RORA: variants seen among roughly 807,000 people sequenced by gnomAD.
The protein encoded by RORA is nuclear receptor ROR-alpha.
RORA carries 7 observed loss-of-function variants against 69.5 expected under a neutral mutation model. The observed-to-expected ratio is 0.10, with a 90% CI of 0.06 to 0.19. The LOEUF is 0.19. RORA is among the 10% of genes least tolerant of loss of function. The pLI is 1.00. For synonymous variants in RORA, 261 were observed against 240.8 expected (o/e 1.08, Z -0.78); for missense variants, 457 against 663.0 (o/e 0.69, Z 3.41).
At chr15:61,075,579 T>A (rs541716907) in intron 1 of RORA, among the ~76,000 whole-genome samples, 10 of 152,260 alleles carry the variant, frequency 6.6e-5, no homozygotes, top group South Asian at 2.1e-4. Flanking sequence ...CCAACCCCTA[T>A]CTCAACTGAG....
At chr15:60,784,775 G>A (rs2072312819) in intron 1 of RORA, among the ~76,000 whole-genome samples, 1 of 152,144 alleles carries the variant, frequency 6.6e-6, no homozygotes, top group African/African-American at 2.4e-5. Flanking sequence ...CTTTAAAGTA[G>A]AAAACCAACC....
At chr15:60,955,063 G>A (rs1298187845) in intron 1 of RORA, among the ~76,000 whole-genome samples, 1 of 152,190 alleles carries the variant, frequency 6.6e-6, no homozygotes, top group Non-Finnish European at 1.5e-5. Flanking sequence ...CAGCACTTTG[G>A]GAGGCCGAGG....
chr15:60,513,124 G>A (rs183206053), intron 4 of RORA, among the ~76,000 whole-genome samples: 229 of 152,318 alleles, frequency 1.5e-3, no homozygotes, highest in Non-Finnish European at 2.8e-3. Flanking sequence ...CAAAGAGGAC[G>A]CGCTGTCCTT....
chr15:61,152,171 A>T (rs1048502712), intron 1 of RORA, among the ~76,000 whole-genome samples: 2 of 152,210 alleles, frequency 1.3e-5, no homozygotes, highest in African/African-American at 4.8e-5. Flanking sequence ...AGCAAATGTT[A>T]TAAACACATA....
intron 1 of RORA, among the ~76,000 whole-genome samples, chr15:60,872,262 G>T (rs1478704932): frequency 1.3e-5 from 2 of 152,138 alleles, no homozygotes; most frequent in African/African-American, 4.8e-5. Context: ...TCTCACAGGG[G>T]TATTAGGAAG....
intron 1 of RORA, among the ~76,000 whole-genome samples, chr15:60,761,633 C>A (rs2071893820): frequency 6.6e-6 from 1 of 152,066 alleles, no homozygotes; most frequent in Non-Finnish European, 1.5e-5. Context: ...CTATGGTGTG[C>A]CTGAGTAAGT....
chr15:60,809,677 G>T (rs563569532), intron 1 of RORA, among the ~76,000 whole-genome samples: 2 of 151,688 alleles, frequency 1.3e-5, no homozygotes, highest in Non-Finnish European at 2.9e-5. Flanking sequence ...ATTTATCACA[G>T]TTTTGGTTGG....
chr15:60,915,493 T>C (rs1891845592), intron 1 of RORA, among the ~76,000 whole-genome samples: 1 of 152,210 alleles, frequency 6.6e-6, no homozygotes, highest in African/African-American at 2.4e-5. Flanking sequence ...ATTTGCCAGA[T>C]TGTTTCTCGG....
intron 1 of RORA, among the ~76,000 whole-genome samples, chr15:61,091,035 G>A (rs1291084583): frequency 3.3e-5 from 5 of 152,066 alleles, no homozygotes; most frequent in Non-Finnish European, 7.4e-5. Flanking sequence ...CATCTGCTTC[G>A]GAAACAGATG....
intron 3 of RORA, among the ~76,000 whole-genome samples, chr15:60,522,905 A>G (rs1215413872): frequency 6.6e-6 from 1 of 151,876 alleles, no homozygotes; most frequent in Non-Finnish European, 1.5e-5. Flanking sequence ...CCCTGTCTCT[A>G]CTAAAAACAC....
rs528652454 is a variant in RORA, at chr15:60,739,039, G to A, written c.167-60353C>T. On this transcript the variant is annotated intron_variant, in intron 1 of 10. Transcript: ENST00000335670. ...CTCATTTTAACTTAACTAATTGCTCGGAACAGCCTTATTTTTCAAATAAGG... is the reference window on the plus strand; with the variant it reads ...CTCATTTTAACTTAACTAATTGCTCAGAACAGCCTTATTTTTCAAATAAGG... Among the ~76,000 whole-genome samples the A allele has an allele frequency of 4.6e-5, 7 of 152,224 alleles. No individual in the cohort carries two copies. The South Asian group carries it at 1.0e-3, about 23-fold the overall frequency.
chr15:60,592,825 T>A (rs1440701290), intron 2 of RORA: 3 of 532,228 alleles, frequency 5.6e-6, no homozygotes, highest in Non-Finnish European at 1.0e-5. Flanking sequence ...CGCCGGTCGC[T>A]TTTCTGCACG....
intron 1 of RORA, among the ~76,000 whole-genome samples, chr15:61,095,852 A>G (rs1463954994): frequency 6.6e-6 from 1 of 152,204 alleles, no homozygotes; most frequent in Admixed American, 6.5e-5. Context: ...TGGGACACAA[A>G]CTACTTTCTA....
chr15:60,538,805 T>A (rs970827877), intron 2 of RORA, among the ~76,000 whole-genome samples: 64 of 151,958 alleles, frequency 4.2e-4, no homozygotes, highest in Admixed American at 3.3e-4. Context: ...CTGACAGACA[T>A]CCCAAGCCTT....
chr15:60,704,366 C>G lies in RORA; in HGVS notation c.167-25680G>C, dbSNP rs142812214. Among the ~76,000 whole-genome samples, 685 of 152,350 alleles carry G rather than the reference C, an allele frequency of 4.5e-3. 1 individual carries two copies. The highest frequency in any genetic ancestry group is 6.9e-3 in the Non-Finnish European group (471 of 68,034). On this transcript the variant is annotated intron_variant, in intron 1 of 10. Transcript: ENST00000335670. Reference sequence around the variant, plus strand: ...CACCCATCCTAAGAGCAAACACAACCCACAAACTTGGGTGTCATACTGCCT... The same window carrying G: ...CACCCATCCTAAGAGCAAACACAACGCACAAACTTGGGTGTCATACTGCCT...
At chr15:60,849,994 G>A (rs1474772032) in intron 1 of RORA, among the ~76,000 whole-genome samples, 3 of 152,174 alleles carry the variant, frequency 2.0e-5, no homozygotes, top group African/African-American at 7.2e-5. Flanking sequence ...TCATGAAGAG[G>A]ACTCCCTGGA....
At chr15:61,219,981 T>A (rs1380807280) in intron 1 of RORA, among the ~76,000 whole-genome samples, 1 of 152,200 alleles carries the variant, frequency 6.6e-6, no homozygotes, top group South Asian at 2.1e-4. Flanking sequence ...ACCTCACCAA[T>A]CCTTGACTGT....
intron 4 of RORA, among the ~76,000 whole-genome samples, chr15:60,514,151 G>A (rs972210964): frequency 6.6e-6 from 1 of 152,132 alleles, no homozygotes; most frequent in Non-Finnish European, 1.5e-5. Flanking sequence ...ATTTGGCTTT[G>A]GCATGTGATT....
chr15:60,840,150 G>A lies in RORA; in HGVS notation c.167-161464C>T, dbSNP rs185273953. On this transcript the variant is annotated intron_variant, in intron 1 of 10. Transcript: ENST00000335670. ...TGGGTCTGCAGCAGCAATTAGAACTGTTTCTGGGGTTCACCTCACTTGCTG... is the reference window on the plus strand; with the variant it reads ...TGGGTCTGCAGCAGCAATTAGAACTATTTCTGGGGTTCACCTCACTTGCTG... Among the ~76,000 whole-genome samples the A allele has an allele frequency of 3.9e-5, 6 of 152,312 alleles. No homozygotes were observed. In the East Asian group the frequency reaches 1.2e-3, roughly 29 times the overall value.
Sources: allele counts gnomAD v4.1 joint callset (sites outside exome capture counted in the v4.1 genomes callset), GRCh38; gene constraint gnomAD v4.1.1; transcripts MANE v1.5; gene names NCBI Gene and HGNC (gene_info 2026-07-23, HGNC 2026-07-21).